ULK4: variants seen among roughly 807,000 people sequenced by gnomAD.
The protein encoded by ULK4 is unc-51 like kinase 4, also known as inactive serine/threonine-protein kinase ULK4.
A neutral mutation model predicts 160.6 loss-of-function variants in ULK4; 133 were observed. The ratio of observed to expected loss-of-function variants is 0.83; its 90% CI spans 0.72 to 0.96. ULK4 has a LOEUF of 0.96. ULK4 is among the 40% of genes least tolerant of loss of function. The pLI, the probability that ULK4 is intolerant of heterozygous loss-of-function variation, is 0.00. For missense variants in ULK4, 1,580 were observed against 1,499.5 expected, an observed-to-expected ratio of 1.05 and a Z score of -0.89; for synonymous variants, 534 against 539.8, an observed-to-expected ratio of 0.99 and a Z score of 0.15.
At chr3:41,535,770 T>C (rs2086476108) in intron 32 of ULK4, among the ~76,000 whole-genome samples, 1 of 152,190 alleles carries the variant, frequency 6.6e-6, no homozygotes, top group Non-Finnish European at 1.5e-5. Flanking sequence ...TGGGTGCTCA[T>C]TTCTATAGAG....
intron 35 of ULK4, among the ~76,000 whole-genome samples, chr3:41,287,253 G>A (rs534368303): frequency 6.6e-6 from 1 of 152,308 alleles, no homozygotes; most frequent in African/African-American, 2.4e-5. Flanking sequence ...GTTCATAAAG[G>A]CTAAGTGAGT....
intron 31 of ULK4, among the ~76,000 whole-genome samples, chr3:41,593,423 T>C (rs1267536610): frequency 6.6e-6 from 1 of 151,990 alleles, no homozygotes; most frequent in Admixed American, 6.6e-5. Context: ...CACACACATA[T>C]AAACACAATG....
intron 32 of ULK4, among the ~76,000 whole-genome samples, chr3:41,520,962 T>C (rs1474809517): frequency 6.6e-6 from 1 of 152,210 alleles, no homozygotes; most frequent in African/African-American, 2.4e-5. Context: ...GGATATTAAT[T>C]CCTTATCAGA....
rs1485014198 is a variant in ULK4, at chr3:41,912,897, A to C, written c.806T>G (p.Leu269Trp). 1 of 1,613,798 alleles carries C rather than the reference A, an allele frequency of 6.2e-7. No homozygotes were observed. The highest frequency in any genetic ancestry group is 1.1e-5 in the South Asian group (1 of 91,002). The change falls in exon 9 of 37, where the codon TTG becomes TGG. Residue 269 changes from leucine (L) to tryptophan (W), a missense_variant and splice_region_variant. By Grantham distance (61) the Leu-to-Trp change is moderately conservative (BLOSUM62 -2). Transcript: ENST00000301831. The part of the protein sequence containing the change: ...GLLQRDPQKR[L>W]TWTRLLQHSF... The stretch of plus-strand genomic sequence containing the variant: ...ATGCTGCAGTAGCCTTGTCCAAGTC[A>C]ATCTTTAAAAAACATAAATGTTAAA...
At position 41,865,204 on chromosome 3, in the gene ULK4, C is replaced by T. The variant is rs180859458; in HGVS notation, c.1656+18670G>A. Among the ~76,000 whole-genome samples, 504 of 129,118 alleles carry T rather than the reference C, an allele frequency of 3.9e-3. 2 individuals carry two copies. Among genetic ancestry groups the T allele is most frequent in the Non-Finnish European group, 6.2e-3 (394 of 63,572 alleles). 84.7% of individuals were successfully genotyped at this position (129,118 alleles called of 152,430 possible). A position where few individuals can be genotyped will look rare whatever the true frequency, so the allele number is the denominator to read the frequency against. On this transcript the variant is annotated intron_variant, in intron 17 of 36. Transcript: ENST00000301831. ...AGGAAAATCACTTGAACCCAAGAGG[C>T]GGAGGTTGCAGTGAACCGATCACGC...
intron 35 of ULK4, among the ~76,000 whole-genome samples, chr3:41,395,833 T>C (rs1054980151): frequency 3.3e-5 from 5 of 152,168 alleles, no homozygotes; most frequent in African/African-American, 9.6e-5. Flanking sequence ...AGCACCAGCA[T>C]CAACTTCTGT....
Position 41,896,826 on chromosome 3 carries a change from G to A in ULK4, c.1526C>T (p.Pro509Leu). 2 of 1,611,890 alleles carry A rather than the reference G, an allele frequency of 1.2e-6. No homozygotes were observed. Among genetic ancestry groups the A allele is most frequent in the Non-Finnish European group, 1.7e-6 (2 of 1,179,432 alleles). Residue 509 changes from proline (P) to leucine (L), a missense_variant, in exon 15 of 37, where the codon CCC becomes CTC. Pro to Leu is a moderately conservative substitution (Grantham distance 98, BLOSUM62 -3). Coordinates refer to ENST00000301831, the MANE Select transcript of ULK4 (RefSeq NM_017886.4). ...QEVATRLLHS[P>L]LFQLLIQHLR... is the part of the protein sequence containing the mutation. ...AGGCATGTCACACAGGCTTACCAGGGGGGAATGGAGGAGCCTGGTGGCCAC... is the reference window on the plus strand; with the variant it reads ...AGGCATGTCACACAGGCTTACCAGGAGGGAATGGAGGAGCCTGGTGGCCAC...
intron 17 of ULK4, chr3:41,854,189 A>T (rs2042280984): frequency 6.6e-6 from 1 of 152,234 alleles, no homozygotes; most frequent in South Asian, 2.1e-4. Context: ...GCCAGAGAGG[A>T]CAGAATCTAA....
At chr3:41,407,387 A>G (rs1434846107) in intron 34 of ULK4, among the ~76,000 whole-genome samples, 1 of 152,184 alleles carries the variant, frequency 6.6e-6, no homozygotes, top group Non-Finnish European at 1.5e-5. Context: ...TACCCCAACC[A>G]GACAAAGATA....
rs139397496 is a variant in ULK4 at position 41,370,370 on chromosome 3, A to C, written c.3678+27709T>G. Among the ~76,000 whole-genome samples the C allele has an allele frequency of 2.6e-5, 4 of 152,324 alleles. No homozygotes were observed. In the East Asian group the frequency reaches 5.8e-4, roughly 22 times the overall value. ...TGGGGATTACCAGGCAAGATGGCCA[A>C]ATAGGAGCAGCTCTGGTCTGCAGCT... On this transcript the variant is annotated intron_variant, in intron 35 of 36. Transcript: ENST00000301831.
chr3:41,471,431 A>G (rs1050818311), intron 32 of ULK4, among the ~76,000 whole-genome samples: 10 of 152,282 alleles, frequency 6.6e-5, no homozygotes, highest in Non-Finnish European at 1.2e-4. Context: ...ATAGCAATGG[A>G]AAAATCATCC....
At position 41,455,365 on chromosome 3, in the gene ULK4, T is replaced by G. The variant is rs942675959; in HGVS notation, c.3492+132A>C. 167 of 772,430 alleles carry G rather than the reference T, an allele frequency of 2.2e-4. 1 individual carries two copies. Among genetic ancestry groups the G allele is most frequent in the Middle Eastern group, 2.7e-4 (1 of 3,706 alleles). 47.8% of individuals were successfully genotyped at this position (772,430 alleles called of 1,614,324 possible). A position where few individuals can be genotyped will look rare whatever the true frequency, so the allele number is the denominator to read the frequency against. ...AGATTTAGTTTTCCAGGCCAAATAA[T>G]CTTCTGAAAGTTCTTTTGGCTCTAG... On this transcript the variant is annotated intron_variant, in intron 34 of 36. Coordinates refer to ENST00000301831, the MANE Select transcript of ULK4 (RefSeq NM_017886.4).
chr3:41,640,360 A>T (rs550136139), intron 30 of ULK4, among the ~76,000 whole-genome samples: 7 of 152,080 alleles, frequency 4.6e-5, no homozygotes, highest in African/African-American at 1.7e-4. Flanking sequence ...TTCCCATCAC[A>T]CTCCGAGAGC....
At chr3:41,526,255 T>C (rs2086113488) in intron 32 of ULK4, among the ~76,000 whole-genome samples, 1 of 152,226 alleles carries the variant, frequency 6.6e-6, no homozygotes, top group Admixed American at 6.5e-5. Context: ...CCAGTTTTTA[T>C]GTACAGGTTC....
intron 29 of ULK4, among the ~76,000 whole-genome samples, chr3:41,669,850 T>C (rs972961714): frequency 6.6e-6 from 1 of 151,698 alleles, no homozygotes; most frequent in Non-Finnish European, 1.5e-5. Context: ...ACAATAACAA[T>C]ACAATGTCAA....
intron 31 of ULK4, among the ~76,000 whole-genome samples, chr3:41,583,513 A>G (rs1052130115): frequency 2.0e-5 from 3 of 152,198 alleles, no homozygotes; most frequent in Admixed American, 6.5e-5. Flanking sequence ...TTATACTATA[A>G]TTATAGTCTC....
Position 41,283,051 on chromosome 3 carries a change from ACCATCACTGGTCATCAGAG to A in ULK4, c.3679-33496_3679-33478del, listed in dbSNP as rs537765663. 2.2e-3 allele frequency among the ~76,000 whole-genome samples: 334 copies of A among 152,370 alleles called. 1 individual carries two copies. The highest frequency in any genetic ancestry group is 7.3e-3 in the African/African-American group (303 of 41,584). ...CCAACAGACACATGAAAAAATGCTC[ACCATCACTGGTCATCAGAG>A]AAATGCAAATCAAAACCATAATGAA... On this transcript the variant is annotated intron_variant, in intron 35 of 36. Transcript: ENST00000301831.
chr3:41,892,735 T>A (rs558076389), intron 16 of ULK4, among the ~76,000 whole-genome samples: 1 of 152,340 alleles, frequency 6.6e-6, no homozygotes, highest in African/African-American at 2.4e-5. Context: ...ATCAAGGAAC[T>A]GAAACTTACC....
intron 35 of ULK4, among the ~76,000 whole-genome samples, chr3:41,354,295 T>C (rs988826842): frequency 6.6e-6 from 1 of 152,154 alleles, no homozygotes; most frequent in Non-Finnish European, 1.5e-5. Flanking sequence ...CATGAACTCA[T>C]GGAGAGGGGC....
Sources: gnomAD v4.1 joint callset for allele counts (sites outside exome capture counted in the v4.1 genomes callset) on GRCh38, gnomAD v4.1.1 for gene constraint, MANE v1.5 for transcripts, NCBI Gene and HGNC (gene_info 2026-07-23, HGNC 2026-07-21) for gene names.